The following PRKD1 variants were observed in gnomAD, a reference collection of about 807,000 sequenced individuals.
The protein encoded by PRKD1 is protein kinase D1, also known as serine/threonine-protein kinase D1.
Under a neutral mutation model 95.9 loss-of-function variants are expected in PRKD1, and 63 were observed. The ratio of observed to expected loss-of-function variants is 0.66; its 90% CI spans 0.54 to 0.81. The LOEUF (loss-of-function observed/expected upper bound fraction) is 0.81, where lower values mean the gene tolerates loss of function less well. Among genes scored for constraint, PRKD1 ranks in the 30% least tolerant of loss-of-function variants. PRKD1 has a pLI of 0.00. For missense variants in PRKD1, 1,048 were observed against 1,165.3 expected (o/e 0.90, Z 1.47); for synonymous variants, 425 against 423.1 (o/e 1.00, Z -0.05).
At chr14:29,626,629 C>T (rs539488689) in intron 11 of PRKD1, 73 bp from the exon 12 acceptor site, 46 of 787,604 alleles carry the variant, frequency 5.8e-5, no homozygotes, top group Non-Finnish European at 8.2e-5. Context: ...TAATATAATT[C>T]TATTAAATAT....
At chr14:29,634,332 G>A (rs1426634126) in intron 8 of PRKD1, 86 bp downstream of exon 8, 3 of 1,593,460 alleles carry the variant, frequency 1.9e-6, no homozygotes, top group Middle Eastern at 1.7e-4. Flanking sequence ...GAGTAATGCA[G>A]AAATCTCACA....
intron 1 of PRKD1, among the ~76,000 whole-genome samples, chr14:29,759,779 G>A (rs897830644): frequency 6.6e-6 from 1 of 152,184 alleles, no homozygotes; most frequent in Non-Finnish European, 1.5e-5. Flanking sequence ...CTAAATGAAA[G>A]CCTTAGATGA....
chr14:29,869,483 G>T (rs1893029951), intron 1 of PRKD1, among the ~76,000 whole-genome samples: 2 of 151,604 alleles, frequency 1.3e-5, no homozygotes, highest in African/African-American at 4.8e-5. Context: ...ATTTGCCTAT[G>T]CTGAACATCA....
Position 29,577,430 on chromosome 14 carries a change from T to G in PRKD1, c.2547A>C (p.Arg849=). Residue 849 remains arginine, a synonymous_variant, in exon 18 of 18, where the codon CGA becomes CGC. Coordinates refer to ENST00000331968, the MANE Select transcript of PRKD1 (RefSeq NM_002742.3). Reference sequence around the variant, plus strand: ...GCTCCCCGATTTTGCATTCCAGCTCTCGCAAATCTAACCAGGTCTGATAGT... The same window carrying G: ...GCTCCCCGATTTTGCATTCCAGCTCGCGCAAATCTAACCAGGTCTGATAGT... ...LQDYQTWLDL[R]ELECKIGERY... 1.2e-6 allele frequency: 2 copies of G among 1,613,776 alleles called. No homozygotes were observed. The highest frequency in any genetic ancestry group is 1.1e-5 in the South Asian group (1 of 91,082).
intron 1 of PRKD1, among the ~76,000 whole-genome samples, chr14:29,826,853 A>ATATATATG (rs1891212453): frequency 1.1e-5 from 1 of 94,568 alleles, no homozygotes; most frequent in African/African-American, 4.1e-5. Flanking sequence ...ACATATATAT[A>ATATATATG]TATATATATA....
intron 2 of PRKD1, among the ~76,000 whole-genome samples, chr14:29,699,317 G>C (rs1884705293): frequency 1.3e-5 from 2 of 152,142 alleles, no homozygotes; most frequent in South Asian, 4.1e-4. Context: ...ACCCTCATCA[G>C]TACTGTATCC....
At chr14:29,797,295 GTAA>G (rs1475569035) in intron 1 of PRKD1, among the ~76,000 whole-genome samples, 3 of 152,162 alleles carry the variant, frequency 2.0e-5, no homozygotes, top group African/African-American at 7.2e-5. Context: ...CAAATTGTTT[GTAA>G]GCGATGGATT....
intron 1 of PRKD1, among the ~76,000 whole-genome samples, chr14:29,862,696 T>C (rs1007503352): frequency 4.6e-5 from 7 of 152,208 alleles, no homozygotes; most frequent in East Asian, 3.8e-4. Flanking sequence ...TCTTTCCCCA[T>C]GTTTTAATCA....
chr14:29,719,696 T>C (rs1171360801), intron 2 of PRKD1, among the ~76,000 whole-genome samples: 2 of 152,206 alleles, frequency 1.3e-5, no homozygotes, highest in South Asian at 2.1e-4. Flanking sequence ...AACAAATTAC[T>C]TACATAAACT....
chr14:29,709,604 C>T (rs1045583023), intron 2 of PRKD1, among the ~76,000 whole-genome samples: 1 of 152,074 alleles, frequency 6.6e-6, no homozygotes, highest in Admixed American at 6.6e-5. Context: ...GGCTGAGAAA[C>T]CCCAAGATCT....
At chr14:29,684,821 C>A (rs1425330443) in intron 2 of PRKD1, among the ~76,000 whole-genome samples, 2 of 152,206 alleles carry the variant, frequency 1.3e-5, no homozygotes, top group African/African-American at 4.8e-5. Context: ...GCAGTTATCA[C>A]ATCCCTGAGA....
intron 13 of PRKD1, among the ~76,000 whole-genome samples, chr14:29,605,654 G>A (rs1180301183): frequency 6.6e-6 from 1 of 152,148 alleles, no homozygotes; most frequent in African/African-American, 2.4e-5. Context: ...AAGGCTACAA[G>A]CTCCATAAGA....
intron 1 of PRKD1, among the ~76,000 whole-genome samples, chr14:29,783,396 C>T (rs965186955): frequency 6.6e-6 from 1 of 152,076 alleles, no homozygotes; most frequent in Admixed American, 6.6e-5. Context: ...TCCGTTCATC[C>T]GTTGATGAAT....
chr14:29,588,667 C>T (rs1452470563), intron 16 of PRKD1, among the ~76,000 whole-genome samples: 2 of 152,110 alleles, frequency 1.3e-5, no homozygotes, highest in South Asian at 2.1e-4. Context: ...AAGAAACTCG[C>T]GTCACTGGTT....
chr14:29,802,373 A>T (rs2139221168), intron 1 of PRKD1, among the ~76,000 whole-genome samples: 1 of 152,354 alleles, frequency 6.6e-6, no homozygotes, highest in Non-Finnish European at 1.5e-5. Flanking sequence ...AAGTTCAGAT[A>T]AAAAGCACAT....
intron 1 of PRKD1, among the ~76,000 whole-genome samples, chr14:29,781,830 T>G (rs911995875): frequency 6.6e-6 from 1 of 152,240 alleles, no homozygotes; most frequent in African/African-American, 2.4e-5. Flanking sequence ...GCAGTCAACA[T>G]ATTCTCCCTA....
rs191215568 is a variant in PRKD1, at chr14:29,758,931, A to G, written c.265-33257T>C. 9.5e-4 allele frequency among the ~76,000 whole-genome samples: 145 copies of G among 152,314 alleles called. 1 individual carries two copies. Among genetic ancestry groups the G allele is most frequent in the African/African-American group, 3.3e-3 (138 of 41,562 alleles). On this transcript the variant is annotated intron_variant, in intron 1 of 17. Transcript: ENST00000331968. ...ATATTTATTTGGTATAAGCACATTC[A>G]CTTCTACTAGAGAGTTTCTATACTT... is the stretch of plus-strand genomic sequence containing the variant.
chr14:29,579,433 T>C (rs948189841), intron 16 of PRKD1, among the ~76,000 whole-genome samples: 1 of 152,148 alleles, frequency 6.6e-6, no homozygotes, highest in Non-Finnish European at 1.5e-5. Flanking sequence ...AAGATGGCTC[T>C]TCCTACCAAA....
chr14:29,661,051 T>C (rs1384421650), intron 4 of PRKD1, among the ~76,000 whole-genome samples: 2 of 152,220 alleles, frequency 1.3e-5, no homozygotes, highest in African/African-American at 4.8e-5. Flanking sequence ...AAGTTTGTCA[T>C]GTGATCTATG....
Sources: allele counts gnomAD v4.1 joint callset (sites outside exome capture counted in the v4.1 genomes callset), GRCh38; gene constraint gnomAD v4.1.1; transcripts MANE v1.5; gene names NCBI Gene and HGNC (gene_info 2026-07-23, HGNC 2026-07-21).